GPC5: variants seen among roughly 807,000 people sequenced by gnomAD.
GPC5 encodes glypican-5.
A neutral mutation model predicts 53.9 loss-of-function variants in GPC5; 47 were observed. That is an observed-to-expected ratio of 0.87 (90% CI 0.69 to 1.11). The LOEUF (loss-of-function observed/expected upper bound fraction) is 1.11, where lower values mean the gene tolerates loss of function less well. Ranked by LOEUF, GPC5 falls within the 50% of genes most tolerant of loss-of-function variation. The pLI is 0.00. For synonymous variants in GPC5, 286 were observed against 263.3 expected (o/e 1.09, Z -0.84); for missense variants, 748 against 713.1 (o/e 1.05, Z -0.56).
chr13:91,952,102 G>A (rs1364576498), intron 6 of GPC5, among the ~76,000 whole-genome samples: 2 of 151,954 alleles, frequency 1.3e-5, no homozygotes, highest in African/African-American at 4.8e-5. Flanking sequence ...CTCTTATTTG[G>A]TATATGTTCT....
chr13:91,675,349 A>G (rs2035357874), intron 2 of GPC5, among the ~76,000 whole-genome samples: 1 of 152,172 alleles, frequency 6.6e-6, no homozygotes, highest in Non-Finnish European at 1.5e-5. Context: ...ATGGCACTAA[A>G]TATGTGCTGA....
Position 91,909,986 on chromosome 13 carries a change from T to C in GPC5, c.1401+1929T>C, listed in dbSNP as rs147261960. Among the ~76,000 whole-genome samples, 4 of 152,296 alleles carry C rather than the reference T, an allele frequency of 2.6e-5. No individual in the cohort carries two copies. In the South Asian group the frequency reaches 6.2e-4, roughly 24 times the overall value. On this transcript the variant is annotated intron_variant, in intron 6 of 7. Transcript: ENST00000377067. ...GAATGTGAAGATGGCCAATTATTCATGCTTAAGTTTCATTCTGGGGTTGCA... is the reference window on the plus strand; with the variant it reads ...GAATGTGAAGATGGCCAATTATTCACGCTTAAGTTTCATTCTGGGGTTGCA...
chr13:92,004,478 ATATATATATAT>A (rs2040587614), intron 6 of GPC5, among the ~76,000 whole-genome samples: 1 of 136,114 alleles, frequency 7.3e-6, no homozygotes, highest in African/African-American at 2.8e-5. Flanking sequence ...ATATATATAT[ATATATATATAT>A]AATTACACTA....
chr13:92,011,630 G>A (rs1024764857), intron 6 of GPC5, among the ~76,000 whole-genome samples: 1 of 152,154 alleles, frequency 6.6e-6, no homozygotes, highest in Non-Finnish European at 1.5e-5. Context: ...CTCTTATGGG[G>A]TATTACAGTG....
At chr13:91,525,761 A>G (rs1886056596) in intron 2 of GPC5, among the ~76,000 whole-genome samples, 1 of 152,186 alleles carries the variant, frequency 6.6e-6, no homozygotes, top group Admixed American at 6.5e-5. Flanking sequence ...CACTGCAATT[A>G]CTGTAGTGTT....
At chr13:91,706,070 A>G (rs1298615064) in intron 3 of GPC5, among the ~76,000 whole-genome samples, 3 of 151,816 alleles carry the variant, frequency 2.0e-5, no homozygotes, top group African/African-American at 7.3e-5. Context: ...TAGTAGAGAC[A>G]GATTTTCACC....
intron 7 of GPC5, among the ~76,000 whole-genome samples, chr13:92,292,362 A>T (rs1414727280): frequency 1.3e-5 from 2 of 152,132 alleles, no homozygotes; most frequent in Middle Eastern, 3.2e-3. Flanking sequence ...TCTTTTGATT[A>T]CAGCCATTGT....
chr13:92,472,132 G>A (rs186542271), intron 7 of GPC5, among the ~76,000 whole-genome samples: 2 of 152,226 alleles, frequency 1.3e-5, no homozygotes, highest in East Asian at 3.9e-4. Flanking sequence ...GATCAGGAAT[G>A]AAATGTTAGG....
chr13:91,613,404 C>G (rs2033612902), intron 2 of GPC5, among the ~76,000 whole-genome samples: 1 of 152,112 alleles, frequency 6.6e-6, no homozygotes, highest in Admixed American at 6.5e-5. Flanking sequence ...ATGGGGGAAT[C>G]TGACCCCATA....
At chr13:91,912,378 G>A (rs1031640344) in intron 6 of GPC5, among the ~76,000 whole-genome samples, 1 of 151,942 alleles carries the variant, frequency 6.6e-6, no homozygotes, top group Non-Finnish European at 1.5e-5. Context: ...AAAGAATAAT[G>A]AATGCTCATC....
intron 2 of GPC5, among the ~76,000 whole-genome samples, chr13:91,688,369 A>C (rs542309990): frequency 3.5e-4 from 54 of 152,258 alleles, no homozygotes; most frequent in African/African-American, 1.3e-3. Context: ...AATAGTTTAC[A>C]GTTTTTTATT....
chr13:91,623,312 C>A (rs1235245174), intron 2 of GPC5, among the ~76,000 whole-genome samples: 2 of 152,078 alleles, frequency 1.3e-5, no homozygotes, highest in African/African-American at 2.4e-5. Context: ...TGGTGCCCAG[C>A]AAGATTTATT....
intron 2 of GPC5, among the ~76,000 whole-genome samples, chr13:91,502,801 C>T (rs1475645721): frequency 6.6e-6 from 1 of 152,144 alleles, no homozygotes. Context: ...TAGGGAAATG[C>T]TATTTTTTGT....
chr13:92,376,767 G>T (rs2043696850), intron 7 of GPC5, among the ~76,000 whole-genome samples: 1 of 152,004 alleles, frequency 6.6e-6, no homozygotes, highest in Non-Finnish European at 1.5e-5. Context: ...TGTAATCCCA[G>T]CATTTTTAGG....
intron 2 of GPC5, among the ~76,000 whole-genome samples, chr13:91,488,042 T>C (rs1273932472): frequency 1.3e-5 from 2 of 152,036 alleles, no homozygotes; most frequent in East Asian, 1.9e-4. Context: ...TTAATTCCAC[T>C]ATAAGTTTTG....
chr13:91,730,867 A>G (rs1409460126), intron 4 of GPC5, among the ~76,000 whole-genome samples: 1 of 152,182 alleles, frequency 6.6e-6, no homozygotes, highest in Non-Finnish European at 1.5e-5. Flanking sequence ...CCTTTTATAT[A>G]AGAAGAATAT....
intron 7 of GPC5, among the ~76,000 whole-genome samples, chr13:92,839,979 A>G (rs910690902): frequency 2.0e-5 from 3 of 151,270 alleles, no homozygotes; most frequent in Non-Finnish European, 4.4e-5. Flanking sequence ...TCTTATTTAC[A>G]TAAGAATTGG....
At chr13:91,815,184 A>G (rs2038380963) in intron 5 of GPC5, among the ~76,000 whole-genome samples, 1 of 152,098 alleles carries the variant, frequency 6.6e-6, no homozygotes, top group Non-Finnish European at 1.5e-5. Flanking sequence ...TGGGCAATGC[A>G]GCAAATCCCC....
At chr13:92,373,427 A>C (rs1260217208) in intron 7 of GPC5, among the ~76,000 whole-genome samples, 1 of 152,292 alleles carries the variant, frequency 6.6e-6, no homozygotes, top group East Asian at 1.9e-4. Context: ...CACTGAACCA[A>C]CTGAAGCCAG....
Sources: allele counts gnomAD v4.1 joint callset (sites outside exome capture counted in the v4.1 genomes callset), GRCh38; gene constraint gnomAD v4.1.1; transcripts MANE v1.5; gene names NCBI Gene and HGNC (gene_info 2026-07-23, HGNC 2026-07-21).